CCDC3: variants seen among roughly 807,000 people sequenced by gnomAD.
CCDC3 encodes the protein coiled-coil domain-containing protein 3.
A neutral mutation model predicts 21.4 loss-of-function variants in CCDC3; 24 were observed. The observed-to-expected ratio is 1.12, with a 90% CI of 0.81 to 1.58. CCDC3 has a LOEUF of 1.58. Among genes scored for constraint, CCDC3 ranks in the 40% most tolerant of loss-of-function variants. The pLI is 0.00. For missense variants in CCDC3, 425 were observed against 360.9 expected (o/e 1.18, Z -1.44); for synonymous variants, 186 against 166.0 (o/e 1.12, Z -0.93).
chr10:13,001,304 G>A lies in CCDC3; in HGVS notation c.267C>T (p.Ser89=), dbSNP rs1175197280. 1 of 1,606,112 alleles carries A rather than the reference G, an allele frequency of 6.2e-7. No homozygotes were observed. The highest frequency in any genetic ancestry group is 8.5e-7 in the Non-Finnish European group (1 of 1,177,608). The change falls in exon 1 of 3, where the codon AGC becomes AGT. Residue 89 remains serine, a synonymous_variant. Transcript: ENST00000378825. ...TGGAGCCGGCGGGCACCTCCAGCAT[G>A]CTGCCCCACGCCTGGTCGCACAGCA... ...VEMLCDQAWG[S]MLEVPAGSRL...
chr10:12,912,433 C>T (rs35742223), intron 2 of CCDC3, among the ~76,000 whole-genome samples: 1 of 152,074 alleles, frequency 6.6e-6, no homozygotes, highest in Non-Finnish European at 1.5e-5. Context: ...TTCTAGAGGT[C>T]TATTTAGGTC....
chr10:13,011,714 T>C (rs1835986220), intron 5 of CCDC3, among the ~76,000 whole-genome samples: 1 of 152,134 alleles, frequency 6.6e-6, no homozygotes, highest in African/African-American at 2.4e-5. Flanking sequence ...AAAATGTATA[T>C]GGAACCAAAA....
chr10:12,964,959 T>C (rs531460537), intron 2 of CCDC3, among the ~76,000 whole-genome samples: 14 of 152,344 alleles, frequency 9.2e-5, no homozygotes, highest in African/African-American at 3.1e-4. Flanking sequence ...TTTCTCTGAA[T>C]TCCCTTTATC....
chr10:13,064,827 G>GA (rs1836804813), intron 4 of CCDC3, among the ~76,000 whole-genome samples: 1 of 152,090 alleles, frequency 6.6e-6, no homozygotes, highest in Non-Finnish European at 1.5e-5. Flanking sequence ...GTTCTGTCCT[G>GA]AAAGGCAGGA....
chr10:12,994,657 C>T lies in CCDC3; in HGVS notation c.549+3681G>A, dbSNP rs550652425. On this transcript the variant is annotated intron_variant, in intron 2 of 2. Transcript: ENST00000378825. ...ATCATAACAGCAATTCTGACCCCTCCCCTAAGGTTAAGGAACAATGTTGAC... is the reference window on the plus strand; with the variant it reads ...ATCATAACAGCAATTCTGACCCCTCTCCTAAGGTTAAGGAACAATGTTGAC... 2.8e-4 allele frequency among the ~76,000 whole-genome samples: 42 copies of T among 152,214 alleles called. 1 individual carries two copies. The South Asian group carries it at 7.0e-3, about 26-fold the overall frequency.
intron 2 of CCDC3, among the ~76,000 whole-genome samples, chr10:12,934,171 T>G (rs758596116): frequency 4.6e-5 from 7 of 152,230 alleles, no homozygotes; most frequent in Admixed American, 2.6e-4. Context: ...ATTTCGAAAT[T>G]TTTCTTCATT....
intron 1 of CCDC3, among the ~76,000 whole-genome samples, chr10:12,998,718 G>C (rs1008004481): frequency 2.0e-5 from 3 of 152,164 alleles, no homozygotes; most frequent in African/African-American, 4.8e-5. Flanking sequence ...AGATGAGTTT[G>C]AGCAAAGTAT....
chr10:12,907,536 G>A (rs186406118), intron 2 of CCDC3, among the ~76,000 whole-genome samples: 152 of 152,230 alleles, frequency 1.0e-3, no homozygotes, highest in African/African-American at 3.3e-3. Flanking sequence ...TCCCAGCTAC[G>A]CGGGAGGCTG....
chr10:12,922,514 A>T (rs1834468089), intron 2 of CCDC3, among the ~76,000 whole-genome samples: 1 of 152,164 alleles, frequency 6.6e-6, no homozygotes, highest in Admixed American at 6.5e-5. Flanking sequence ...GGCTGTGACA[A>T]TTTAAGAAGA....
intron 4 of CCDC3, among the ~76,000 whole-genome samples, chr10:13,053,757 C>T (rs1172417314): frequency 6.6e-6 from 1 of 152,166 alleles, no homozygotes; most frequent in African/African-American, 2.4e-5. Context: ...GACGAGCTGC[C>T]TCGTTTGATC....
At chr10:12,996,090 C>T (rs999221526) in intron 2 of CCDC3, among the ~76,000 whole-genome samples, 1 of 152,148 alleles carries the variant, frequency 6.6e-6, no homozygotes, top group Non-Finnish European at 1.5e-5. Context: ...AAAAAGCCTT[C>T]GCTTGGAAGA....
chr10:12,914,899 C>T (rs1489124713), intron 2 of CCDC3, among the ~76,000 whole-genome samples: 1 of 151,766 alleles, frequency 6.6e-6, no homozygotes, highest in Non-Finnish European at 1.5e-5. Context: ...TTAGTTTGTT[C>T]TTCTTTTTGT....
chr10:13,090,965 G>GC (rs1392840967), intron 3 of CCDC3, among the ~76,000 whole-genome samples: 1 of 152,170 alleles, frequency 6.6e-6, no homozygotes, highest in Non-Finnish European at 1.5e-5. Flanking sequence ...AAGCCTGAGA[G>GC]CCCCCAGCAA....
intron 2 of CCDC3, among the ~76,000 whole-genome samples, chr10:12,909,691 G>A (rs545716375): frequency 6.6e-6 from 1 of 152,270 alleles, no homozygotes; most frequent in South Asian, 2.1e-4. Context: ...GCTGAACCGT[G>A]GACTAACGGT....
At chr10:12,988,183 T>G (rs1334316404) in intron 2 of CCDC3, among the ~76,000 whole-genome samples, 1 of 152,160 alleles carries the variant, frequency 6.6e-6, no homozygotes, top group Non-Finnish European at 1.5e-5. Context: ...TTCCTATTTT[T>G]CCACCCCTCG....
At chr10:12,933,218 G>C (rs1035735533) in intron 2 of CCDC3, among the ~76,000 whole-genome samples, 1 of 152,124 alleles carries the variant, frequency 6.6e-6, no homozygotes, top group Non-Finnish European at 1.5e-5. Flanking sequence ...GAATTGTAGG[G>C]AGCTGGTACA....
intron 2 of CCDC3, among the ~76,000 whole-genome samples, chr10:12,940,340 G>C (rs1393132120): frequency 6.9e-6 from 1 of 145,254 alleles, no homozygotes; most frequent in Admixed American, 7.2e-5. Context: ...GACATTTCAA[G>C]TATATTATTG....
chr10:12,963,210 C>G (rs1564300563), intron 2 of CCDC3, among the ~76,000 whole-genome samples: 2 of 152,196 alleles, frequency 1.3e-5, no homozygotes, highest in African/African-American at 2.4e-5. Flanking sequence ...TACCTCCTCT[C>G]AAGATACAGA....
intron 4 of CCDC3, among the ~76,000 whole-genome samples, chr10:13,070,475 C>A (rs1219853307): frequency 6.6e-6 from 1 of 152,160 alleles, no homozygotes; most frequent in Non-Finnish European, 1.5e-5. Flanking sequence ...CTTGCAGAGT[C>A]AATAAAGCCC....
Sources: gnomAD v4.1 joint callset for allele counts (sites outside exome capture counted in the v4.1 genomes callset) on GRCh38, gnomAD v4.1.1 for gene constraint, MANE v1.5 for transcripts, NCBI Gene and HGNC (gene_info 2026-07-23, HGNC 2026-07-21) for gene names.